Variants in LAPTM4B observed in about 807,000 individuals in gnomAD.
LAPTM4B encodes lysosomal-associated transmembrane protein 4B.
LAPTM4B carries 26 observed loss-of-function variants against 28.5 expected under a neutral mutation model. That is an observed-to-expected ratio of 0.91 (90% confidence interval 0.67 to 1.27). The LOEUF is 1.27. Ranked by LOEUF, LAPTM4B falls within the 50% of genes most tolerant of loss-of-function variation. The pLI, the probability that LAPTM4B is intolerant of heterozygous loss-of-function variation, is 0.00. For synonymous variants in LAPTM4B, 109 were observed against 106.4 expected, an observed-to-expected ratio of 1.02 and a Z score of -0.15; for missense variants, 288 against 285.8, an observed-to-expected ratio of 1.01 and a Z score of -0.06.
intron 2 of LAPTM4B, among the ~76,000 whole-genome samples, chr8:97,806,851 G>A (rs28494692): frequency 6.6e-5 from 10 of 152,118 alleles, no homozygotes; most frequent in Non-Finnish European, 1.5e-4. Context: ...CAGCTACTTG[G>A]GAGGCTGAGG....
chr8:97,846,555 G>A (rs1012348429), intron 6 of LAPTM4B, among the ~76,000 whole-genome samples: 27 of 152,056 alleles, frequency 1.8e-4, no homozygotes, highest in East Asian at 7.7e-4. Context: ...TTGAACTCTC[G>A]ACCTCAGGTG....
At chr8:97,848,435 C>T (rs1413347505) in intron 6 of LAPTM4B, among the ~76,000 whole-genome samples, 5 of 149,770 alleles carry the variant, frequency 3.3e-5, no homozygotes, top group Non-Finnish European at 7.4e-5. Context: ...TTATGTTAAT[C>T]TTCTGTGAAC....
At chr8:97,825,181 A>T in intron 6 of LAPTM4B, 28 bp downstream of exon 6, 1 of 1,234,616 alleles carries the variant, frequency 8.1e-7, no homozygotes, top group Non-Finnish European at 1.2e-6. Context: ...TATGGTAGAG[A>T]TCTCGCCCAC....
Position 97,851,784 on chromosome 8 carries a change from C to G in LAPTM4B, c.*310C>G, listed in dbSNP as rs1817527796. On this transcript the variant is annotated 3_prime_UTR_variant, in exon 7 of 7. Coordinates refer to ENST00000521545, the MANE Select transcript of LAPTM4B (RefSeq NM_018407.6). ...AAGTCTGCTTTTGTACCTGCTGGGC[C>G]CCAAAGTTGGGCATTTTTCTCTCTG... 1 of 310,524 alleles carries G rather than the reference C, an allele frequency of 3.2e-6. No homozygotes were observed. Among genetic ancestry groups the G allele is most frequent in the South Asian group, 1.0e-4 (1 of 9,938 alleles). 19.2% of individuals were successfully genotyped at this position (310,524 alleles called of 1,614,324 possible). A position where few individuals can be genotyped will look rare whatever the true frequency, so the allele number is the denominator to read the frequency against.
At chr8:97,807,968 A>G (rs1286783872) in intron 2 of LAPTM4B, among the ~76,000 whole-genome samples, 2 of 151,138 alleles carry the variant, frequency 1.3e-5, no homozygotes, top group African/African-American at 4.9e-5. Flanking sequence ...GATTATAGGT[A>G]TGTGCCATCA....
intron 1 of LAPTM4B, among the ~76,000 whole-genome samples, chr8:97,783,491 G>A (rs950257562): frequency 1.3e-4 from 20 of 152,142 alleles, no homozygotes; most frequent in Non-Finnish European, 2.4e-4. Context: ...GCTGCTGTTT[G>A]TGGAGATTTG....
At chr8:97,791,023 GCCT>G (rs1427387629) in intron 1 of LAPTM4B, among the ~76,000 whole-genome samples, 2 of 152,062 alleles carry the variant, frequency 1.3e-5, no homozygotes, top group African/African-American at 4.8e-5. Flanking sequence ...TCCCACCTCA[GCCT>G]CCCGAGTAGC....
chr8:97,821,171 A>G (rs1250999388), intron 5 of LAPTM4B, among the ~76,000 whole-genome samples: 1 of 151,648 alleles, frequency 6.6e-6, no homozygotes, highest in East Asian at 2.0e-4. Flanking sequence ...CCCTGTCTCT[A>G]TAAAAATACA....
At chr8:97,802,634 C>T (rs1402583715) in intron 1 of LAPTM4B, among the ~76,000 whole-genome samples, 1 of 152,188 alleles carries the variant, frequency 6.6e-6, no homozygotes, top group Non-Finnish European at 1.5e-5. Flanking sequence ...GCCTAACCTC[C>T]TGGAAGTGCA....
At chr8:97,829,718 GTC>G (rs1251630801) in intron 6 of LAPTM4B, among the ~76,000 whole-genome samples, 2 of 150,554 alleles carry the variant, frequency 1.3e-5, no homozygotes, top group African/African-American at 4.9e-5. Flanking sequence ...TGAGACAAGA[GTC>G]TTGCTCTGTA....
At chr8:97,820,542 T>C (rs1240459300) in intron 5 of LAPTM4B, among the ~76,000 whole-genome samples, 1 of 152,064 alleles carries the variant, frequency 6.6e-6, no homozygotes, top group Non-Finnish European at 1.5e-5. Context: ...ATAGGTACTG[T>C]GATGAAAAGG....
intron 6 of LAPTM4B, among the ~76,000 whole-genome samples, chr8:97,848,994 G>C (rs1410697520): frequency 6.6e-6 from 1 of 152,230 alleles, no homozygotes; most frequent in Non-Finnish European, 1.5e-5. Flanking sequence ...GTTAGATACT[G>C]GCTAGAACTT....
At chr8:97,810,627 A>G (rs1332654070) in intron 2 of LAPTM4B, among the ~76,000 whole-genome samples, 1 of 152,262 alleles carries the variant, frequency 6.6e-6, no homozygotes, top group Non-Finnish European at 1.5e-5. Context: ...ATATTGTGTT[A>G]CACACTCATA....
Position 97,797,381 on chromosome 8 carries a change from C to T in LAPTM4B, c.100-7972C>T, listed in dbSNP as rs148566586. On this transcript the variant is annotated intron_variant, in intron 1 of 6. Transcript: ENST00000521545. ...CTCCCGACCTCAGGTGCTCCTCCTG[C>T]CTCATCCTCCCAAAGTGCTGGGATT... Among the ~76,000 whole-genome samples, 1,490 of 152,252 alleles carry T rather than the reference C, an allele frequency of 9.8e-3. 19 individuals are homozygous for T. The highest frequency in any genetic ancestry group is 0.034 in the African/African-American group (1,402 of 41,530).
At chr8:97,791,983 AAT>A (rs2129742438) in intron 1 of LAPTM4B, among the ~76,000 whole-genome samples, 1 of 152,272 alleles carries the variant, frequency 6.6e-6, no homozygotes, top group African/African-American at 2.4e-5. Context: ...TGAACTGGTG[AAT>A]CAGAAAGACC....
chr8:97,787,059 T>G (rs1030295655), intron 1 of LAPTM4B, among the ~76,000 whole-genome samples: 1 of 151,948 alleles, frequency 6.6e-6, no homozygotes, highest in Non-Finnish European at 1.5e-5. Context: ...CTTCTCTGGG[T>G]TCTAAGGAGG....
At chr8:97,819,766 G>T (rs568112272) in intron 5 of LAPTM4B, among the ~76,000 whole-genome samples, 1 of 112,956 alleles carries the variant, frequency 8.9e-6, no homozygotes, top group African/African-American at 3.5e-5. Context: ...ATGGAGTCTC[G>T]CTCTGTCGCC....
At chr8:97,837,284 C>T (rs1004804157) in intron 6 of LAPTM4B, among the ~76,000 whole-genome samples, 10 of 149,802 alleles carry the variant, frequency 6.7e-5, no homozygotes, top group Non-Finnish European at 1.3e-4. Flanking sequence ...CCTCTGCTTC[C>T]CAGGTTCACG....
intron 6 of LAPTM4B, among the ~76,000 whole-genome samples, chr8:97,851,090 G>C (rs976107998): frequency 2.6e-5 from 4 of 152,044 alleles, no homozygotes; most frequent in Non-Finnish European, 5.9e-5. Context: ...TGTGCACATG[G>C]ACACACTCAC....
Sources: gnomAD v4.1 joint callset for allele counts (sites outside exome capture counted in the v4.1 genomes callset) on GRCh38, gnomAD v4.1.1 for gene constraint, MANE v1.5 for transcripts, NCBI Gene and HGNC (gene_info 2026-07-23, HGNC 2026-07-21) for gene names.